The following CBFA2T2 variants were observed in gnomAD, a reference collection of about 807,000 sequenced individuals.
The protein encoded by CBFA2T2 is CBFA2/RUNX1 partner transcriptional co-repressor 2.
Under a neutral mutation model 62.2 loss-of-function variants are expected in CBFA2T2, and 11 were observed. The observed-to-expected ratio is 0.18, with a 90% CI of 0.11 to 0.29. The LOEUF (loss-of-function observed/expected upper bound fraction) is 0.29. CBFA2T2 is among the 10% of genes least tolerant of loss of function. The pLI is 1.00. For synonymous variants in CBFA2T2, 295 were observed against 287.5 expected (o/e 1.03, Z -0.27); for missense variants, 592 against 774.1 (o/e 0.76, Z 2.79).
At chr20:33,599,364 A>G (rs1367999277) in intron 1 of CBFA2T2, among the ~76,000 whole-genome samples, 1 of 152,204 alleles carries the variant, frequency 6.6e-6, no homozygotes, top group Non-Finnish European at 1.5e-5. Context: ...GTGTGCTACA[A>G]TAGAGCAAAA....
At chr20:33,495,076 C>T (rs1431319262) in intron 1 of CBFA2T2, among the ~76,000 whole-genome samples, 3 of 152,164 alleles carry the variant, frequency 2.0e-5, no homozygotes, top group Admixed American at 2.0e-4. Flanking sequence ...GTCTATTGCT[C>T]TGATGAAATC....
At chr20:33,636,572 C>A in intron 8 of CBFA2T2, 68 bp from the exon 9 acceptor site, 2 of 1,191,404 alleles carry the variant, frequency 1.7e-6, no homozygotes, top group South Asian at 1.3e-5. Context: ...AATGAGAAAT[C>A]TGATCAAAAA....
chr20:33,637,591 A>G (rs1336091657), intron 9 of CBFA2T2, among the ~76,000 whole-genome samples: 2 of 152,158 alleles, frequency 1.3e-5, no homozygotes, highest in Non-Finnish European at 2.9e-5. Context: ...CTTGTTGATG[A>G]CACTCAATAA....
intron 1 of CBFA2T2, among the ~76,000 whole-genome samples, chr20:33,586,487 T>C (rs2014376693): frequency 6.6e-6 from 1 of 152,222 alleles, no homozygotes; most frequent in Admixed American, 6.5e-5. Context: ...TTCCTGTTGA[T>C]ATTATTGCCA....
chr20:33,560,327 C>T (rs1012746667), intron 1 of CBFA2T2, among the ~76,000 whole-genome samples: 7 of 152,350 alleles, frequency 4.6e-5, no homozygotes, highest in Admixed American at 3.3e-4. Context: ...TTCTTGTCAG[C>T]AGTGGGGTGT....
At chr20:33,628,759 G>A (rs932221828) in intron 7 of CBFA2T2, among the ~76,000 whole-genome samples, 2 of 152,076 alleles carry the variant, frequency 1.3e-5, no homozygotes, top group East Asian at 1.9e-4. Context: ...GTGAGCCACC[G>A]CACTCAGCCT....
At chr20:33,643,859 GTA>G (rs1282344091) in intron 10 of CBFA2T2, among the ~76,000 whole-genome samples, 45 of 95,870 alleles carry the variant, frequency 4.7e-4, no homozygotes, top group Middle Eastern at 6.6e-3. Context: ...GTGTGTGTGT[GTA>G]TATAATGTAT....
At chr20:33,543,723 C>T (rs1409519929) in intron 1 of CBFA2T2, among the ~76,000 whole-genome samples, 3 of 152,160 alleles carry the variant, frequency 2.0e-5, no homozygotes, top group African/African-American at 7.2e-5. Context: ...CTGACCACTG[C>T]TCTGCTTTGT....
At chr20:33,538,072 CTT>C (rs2012315291) in intron 1 of CBFA2T2, among the ~76,000 whole-genome samples, 1 of 149,868 alleles carries the variant, frequency 6.7e-6, no homozygotes, top group Non-Finnish European at 1.5e-5. Context: ...GAGCTGACGT[CTT>C]AACAGTTTAG....
At chr20:33,627,604 T>A (rs1313277048) in intron 6 of CBFA2T2, among the ~76,000 whole-genome samples, 1 of 152,222 alleles carries the variant, frequency 6.6e-6, no homozygotes, top group Non-Finnish European at 1.5e-5. Context: ...CCTGAGTGGC[T>A]GGGACTATAG....
intron 1 of CBFA2T2, among the ~76,000 whole-genome samples, chr20:33,563,576 T>A (rs1331662480): frequency 1.3e-5 from 2 of 152,128 alleles, no homozygotes; most frequent in East Asian, 3.8e-4. Context: ...CCTTTCCATG[T>A]TCTATGGAAA....
chr20:33,643,729 C>A (rs2016932868), intron 10 of CBFA2T2, among the ~76,000 whole-genome samples: 2 of 116,062 alleles, frequency 1.7e-5, no homozygotes, highest in Admixed American at 9.8e-5. Context: ...GTAGCCTGGC[C>A]AACATGGCAA....
chr20:33,582,927 G>A (rs7271198), intron 1 of CBFA2T2, among the ~76,000 whole-genome samples: 15,748 of 151,300 alleles, frequency 0.1, 2,200 homozygotes, highest in African/African-American at 0.3. Context: ...GGATGACAGA[G>A]CAAGACAGTC....
chr20:33,553,644 T>C (rs1409055843), intron 1 of CBFA2T2, among the ~76,000 whole-genome samples: 2 of 152,164 alleles, frequency 1.3e-5, no homozygotes, highest in African/African-American at 2.4e-5. Context: ...AGATAGACAA[T>C]ATGTAAAGGA....
At chr20:33,497,473 C>A (rs1174121067) in intron 1 of CBFA2T2, among the ~76,000 whole-genome samples, 1 of 151,740 alleles carries the variant, frequency 6.6e-6, no homozygotes, top group South Asian at 2.1e-4. Flanking sequence ...CATTATTAAA[C>A]CCTCCTTGAA....
At chr20:33,596,378 T>C (rs2014886152) in intron 1 of CBFA2T2, among the ~76,000 whole-genome samples, 1 of 152,224 alleles carries the variant, frequency 6.6e-6, no homozygotes, top group Admixed American at 6.5e-5. Flanking sequence ...TTCAAATAAG[T>C]AGGTTTAAAA....
Position 33,604,463 on chromosome 20 carries a change from C to G in CBFA2T2, c.35-2493C>G, listed in dbSNP as rs75396668. Among the ~76,000 whole-genome samples, 158 of 152,270 alleles carry G rather than the reference C, an allele frequency of 1.0e-3. No individual in the cohort carries two copies. In the East Asian group the frequency reaches 0.027, roughly 26 times the overall value. On this transcript the variant is annotated intron_variant, in intron 1 of 10. Coordinates refer to ENST00000342704, the MANE Select transcript of CBFA2T2 (RefSeq NM_001032999.3). ...CACACGGAATCTCTCAGTCTTCATA[C>G]CTGTGCTTTTTCTGCTTCATTCACT...
chr20:33,510,788 C>T (rs996656595), intron 1 of CBFA2T2, among the ~76,000 whole-genome samples: 3 of 152,192 alleles, frequency 2.0e-5, no homozygotes, highest in Admixed American at 2.0e-4. Flanking sequence ...CACATCCTCT[C>T]CAGCATCTGT....
chr20:33,517,541 A>T (rs1291945534), intron 1 of CBFA2T2, among the ~76,000 whole-genome samples: 1 of 150,126 alleles, frequency 6.7e-6, no homozygotes, highest in Non-Finnish European at 1.5e-5. Context: ...TCTCCGGCTC[A>T]ATCACTCAAG....
Sources: gnomAD v4.1 joint callset for allele counts (sites outside exome capture counted in the v4.1 genomes callset) on GRCh38, gnomAD v4.1.1 for gene constraint, MANE v1.5 for transcripts, NCBI Gene and HGNC (gene_info 2026-07-23, HGNC 2026-07-21) for gene names.